The following EHBP1 variants were observed in gnomAD, a reference collection of about 807,000 sequenced individuals.
EHBP1 encodes the protein EH domain binding protein 1.
A neutral mutation model predicts 144.0 loss-of-function variants in EHBP1; 55 were observed. That is an observed-to-expected ratio of 0.38 (90% CI 0.31 to 0.48). The LOEUF is 0.48. Among genes scored for constraint, EHBP1 ranks in the 20% least tolerant of loss-of-function variants. The probability of loss-of-function intolerance (pLI) is 0.98; values close to 1 mark genes in which losing one functional copy is unlikely to be tolerated. For missense variants in EHBP1, 1,200 were observed against 1,364.2 expected (o/e 0.88, Z 1.90); for synonymous variants, 469 against 472.7 (o/e 0.99, Z 0.10).
chr2:62,848,345 A>G (rs1189477591), intron 7 of EHBP1, among the ~76,000 whole-genome samples: 2 of 152,090 alleles, frequency 1.3e-5, no homozygotes. Context: ...GGCCTCCCAA[A>G]GTGCTGGGAT....
At chr2:63,029,439 A>G (rs1212315897) in intron 19 of EHBP1, among the ~76,000 whole-genome samples, 1 of 150,268 alleles carries the variant, frequency 6.7e-6, no homozygotes, top group Middle Eastern at 3.2e-3. Context: ...CTGTCTCCAT[A>G]CTAGATTATG....
chr2:62,788,779 A>G (rs1282139148), intron 5 of EHBP1, among the ~76,000 whole-genome samples: 2 of 152,224 alleles, frequency 1.3e-5, no homozygotes, highest in African/African-American at 2.4e-5. Context: ...CTAATAGATC[A>G]TACCATTCCA....
intron 3 of EHBP1, among the ~76,000 whole-genome samples, chr2:62,755,384 A>G (rs552955109): frequency 6.6e-6 from 1 of 150,794 alleles, no homozygotes; most frequent in South Asian, 2.1e-4. Flanking sequence ...CTACAATATG[A>G]TTATCTCTTC....
At chr2:63,009,966 A>G (rs2060201298) in intron 19 of EHBP1, among the ~76,000 whole-genome samples, 1 of 151,502 alleles carries the variant, frequency 6.6e-6, no homozygotes, top group Non-Finnish European at 1.5e-5. Context: ...ATGTAAATGT[A>G]ATCTCTCCCC....
chr2:62,781,013 C>T (rs1321160388), intron 5 of EHBP1, among the ~76,000 whole-genome samples: 2 of 152,068 alleles, frequency 1.3e-5, no homozygotes, highest in African/African-American at 2.4e-5. Flanking sequence ...CTTATTTATC[C>T]AACCAGTATT....
chr2:62,712,846 G>A (rs1450127396), intron 2 of EHBP1, among the ~76,000 whole-genome samples: 1 of 152,110 alleles, frequency 6.6e-6, no homozygotes, highest in Non-Finnish European at 1.5e-5. Context: ...ACAAGATACT[G>A]GTGGTGTCCT....
intron 5 of EHBP1, among the ~76,000 whole-genome samples, chr2:62,784,312 C>A (rs1000374756): frequency 6.6e-6 from 1 of 152,062 alleles, no homozygotes; most frequent in African/African-American, 2.4e-5. Context: ...ATAAAGGAGA[C>A]CATTGTTCTA....
At chr2:62,930,270 C>T (rs1045262748) in intron 10 of EHBP1, among the ~76,000 whole-genome samples, 5 of 151,926 alleles carry the variant, frequency 3.3e-5, no homozygotes, top group Admixed American at 3.3e-4. Flanking sequence ...AACAAAAAAA[C>T]AAAAACAGTA....
intron 19 of EHBP1, among the ~76,000 whole-genome samples, chr2:62,997,125 T>C (rs186428699): frequency 1.1e-4 from 16 of 152,300 alleles, no homozygotes; most frequent in African/African-American, 3.4e-4. Flanking sequence ...TAAAGCCATG[T>C]ACTGCATGAA....
At chr2:62,933,826 T>G (rs1031655793) in intron 10 of EHBP1, among the ~76,000 whole-genome samples, 4 of 152,228 alleles carry the variant, frequency 2.6e-5, no homozygotes, top group African/African-American at 9.6e-5. Context: ...TTTGACTGAT[T>G]TTAAATTTAC....
chr2:62,847,162 C>A (rs950871262), intron 7 of EHBP1, among the ~76,000 whole-genome samples: 1 of 152,100 alleles, frequency 6.6e-6, no homozygotes, highest in Non-Finnish European at 1.5e-5. Context: ...GAAATATACC[C>A]AAGCTTGGCC....
intron 10 of EHBP1, among the ~76,000 whole-genome samples, chr2:62,921,352 G>A (rs1007508012): frequency 6.6e-6 from 1 of 152,072 alleles, no homozygotes; most frequent in South Asian, 2.1e-4. Context: ...GGCTGAGGTA[G>A]GAGGATGGCT....
At position 62,724,801 on chromosome 2, in the gene EHBP1, C is replaced by T. The variant is rs115465271; in HGVS notation, c.104+17506C>T. On this transcript the variant is annotated intron_variant, in intron 2 of 22. Transcript: ENST00000431489. ...CGAGTGAGCATTACTACCTGAAATCCGCCTCCTGTCAGATCAGTGGTGGCA... is the reference window on the plus strand; with the variant it reads ...CGAGTGAGCATTACTACCTGAAATCTGCCTCCTGTCAGATCAGTGGTGGCA... 3.4e-3 allele frequency among the ~76,000 whole-genome samples: 510 copies of T among 152,226 alleles called. 4 individuals carry two copies. Among genetic ancestry groups the T allele is most frequent in the African/African-American group, 0.011 (470 of 41,526 alleles).
chr2:62,895,492 G>C (rs1056993078), intron 10 of EHBP1, among the ~76,000 whole-genome samples: 1 of 152,120 alleles, frequency 6.6e-6, no homozygotes, highest in Admixed American at 6.5e-5. Context: ...TGGGGCCCCA[G>C]TGACTTCCTT....
chr2:62,753,479 C>T (rs558706796), intron 3 of EHBP1, among the ~76,000 whole-genome samples: 41 of 152,124 alleles, frequency 2.7e-4, no homozygotes, highest in African/African-American at 5.8e-4. Context: ...AATTATATGT[C>T]TTGGAGTTGC....
chr2:63,028,020 C>T (rs2061060043), intron 19 of EHBP1, among the ~76,000 whole-genome samples: 1 of 152,122 alleles, frequency 6.6e-6, no homozygotes, highest in African/African-American at 2.4e-5. Flanking sequence ...GTCTTGGCCT[C>T]TGAAAGTGCT....
chr2:62,762,332 T>G (rs1056975679), intron 3 of EHBP1, among the ~76,000 whole-genome samples: 1 of 152,212 alleles, frequency 6.6e-6, no homozygotes, highest in Non-Finnish European at 1.5e-5. Context: ...GAGCTTTATA[T>G]TCTTTATCTG....
intron 14 of EHBP1, among the ~76,000 whole-genome samples, chr2:62,975,887 TACACACACACACACACACAC>T (rs57375651): frequency 4.0e-4 from 49 of 123,752 alleles, no homozygotes; most frequent in East Asian, 7.6e-4. Context: ...TTACTGTATG[TACACACACACACACACACAC>T]ACACACACAC....
chr2:62,879,402 A>G (rs899933993), intron 10 of EHBP1, among the ~76,000 whole-genome samples: 2 of 152,206 alleles, frequency 1.3e-5, no homozygotes, highest in Non-Finnish European at 2.9e-5. Flanking sequence ...TGCTGCTCCA[A>G]AGCTCCTAGA....
Sources: allele counts gnomAD v4.1 joint callset (sites outside exome capture counted in the v4.1 genomes callset), GRCh38; gene constraint gnomAD v4.1.1; transcripts MANE v1.5; gene names NCBI Gene and HGNC (gene_info 2026-07-23, HGNC 2026-07-21).